The following ZNF532 variants were observed in gnomAD, a reference collection of about 807,000 sequenced individuals.
The protein encoded by ZNF532 is zinc finger protein 532.
A neutral mutation model predicts 89.3 loss-of-function variants in ZNF532; 22 were observed. That is an observed-to-expected ratio of 0.25 (90% CI 0.18 to 0.35). The LOEUF (loss-of-function observed/expected upper bound fraction) is 0.35. ZNF532 is among the 10% of genes least tolerant of loss of function. The probability of loss-of-function intolerance (pLI) is 1.00; values close to 1 mark genes in which losing one functional copy is unlikely to be tolerated. For missense variants in ZNF532, 1,132 were observed against 1,643.4 expected, an observed-to-expected ratio of 0.69 and a Z score of 5.38; for synonymous variants, 606 against 649.6, an observed-to-expected ratio of 0.93 and a Z score of 1.02.
chr18:58,881,455 T>C (rs1000952693), intron 2 of ZNF532, among the ~76,000 whole-genome samples: 1 of 152,184 alleles, frequency 6.6e-6, no homozygotes, highest in East Asian at 1.9e-4. Flanking sequence ...TAAAAGACCT[T>C]GCTGGGTTGT....
At chr18:58,895,890 G>A (rs933828663) in intron 2 of ZNF532, among the ~76,000 whole-genome samples, 3 of 147,902 alleles carry the variant, frequency 2.0e-5, no homozygotes, top group African/African-American at 5.0e-5. Flanking sequence ...TCACTCTGTC[G>A]ACGAGGCTGT....
At chr18:58,959,339 C>G (rs762010213) in intron 7 of ZNF532, among the ~76,000 whole-genome samples, 8 of 139,952 alleles carry the variant, frequency 5.7e-5, no homozygotes, top group Non-Finnish European at 9.0e-5. Flanking sequence ...GTAGGGTAAT[C>G]TTGGCTCACT....
intron 7 of ZNF532, among the ~76,000 whole-genome samples, chr18:58,965,774 A>G (rs571394204): frequency 1.3e-5 from 2 of 152,324 alleles, no homozygotes; most frequent in African/African-American, 4.8e-5. Flanking sequence ...TTCCTGCAGA[A>G]TTATGAAATG....
At chr18:58,945,515 A>T (rs2063570772) in intron 5 of ZNF532, among the ~76,000 whole-genome samples, 1 of 152,194 alleles carries the variant, frequency 6.6e-6, no homozygotes, top group Non-Finnish European at 1.5e-5. Context: ...ATAGCTACGT[A>T]AATAGATGGT....
chr18:58,918,293 C>A lies in ZNF532; in HGVS notation c.6C>A (p.Thr2=), dbSNP rs754233562. ...CAGAACATCTGCTCAAATTAATGAC[C>A]ATGGGGGATATGAAGACCCCAGACT... M[T]MGDMKTPDFD... The change falls in exon 3 of 10, where the codon ACC becomes ACA. Residue 2 remains threonine, a synonymous_variant. Coordinates refer to ENST00000591808, the MANE Select transcript of ZNF532 (RefSeq NM_001375912.1). The A allele has an allele frequency of 6.2e-7, 1 of 1,613,022 alleles. No individual in the cohort carries two copies. Among genetic ancestry groups the A allele is most frequent in the Admixed American group, 1.7e-5 (1 of 59,980 alleles).
intron 7 of ZNF532, among the ~76,000 whole-genome samples, chr18:58,978,109 C>T (rs768484032): frequency 1.2e-4 from 18 of 152,172 alleles, no homozygotes; most frequent in Non-Finnish European, 2.4e-4. Context: ...ATTCAGTTAA[C>T]ATAATATCTC....
At chr18:58,890,111 G>A (rs2058777808) in intron 2 of ZNF532, among the ~76,000 whole-genome samples, 1 of 151,552 alleles carries the variant, frequency 6.6e-6, no homozygotes. Flanking sequence ...GCTGGGCATG[G>A]TGGCACACAC....
chr18:58,907,707 C>T (rs1271782045), intron 2 of ZNF532, among the ~76,000 whole-genome samples: 1 of 152,144 alleles, frequency 6.6e-6, no homozygotes, highest in African/African-American at 2.4e-5. Context: ...CTTCCGTCTG[C>T]CTCCCAGGTC....
Position 58,985,489 on chromosome 18 carries a change from C to T in ZNF532, c.*1023C>T, listed in dbSNP as rs1168670337. 1 of 152,572 alleles carries T rather than the reference C, an allele frequency of 6.6e-6. No homozygotes were observed. The highest frequency in any genetic ancestry group is 2.4e-5 in the African/African-American group (1 of 41,430). The allele number at this position is 152,572 out of a possible 1,614,324, so 9.5% of individuals were successfully genotyped here. On this transcript the variant is annotated 3_prime_UTR_variant, in exon 10 of 10. Transcript: ENST00000591808. ...GGTGCTACTGCCAAACGTTATGGTA[C>T]TTAGAGTCGGGATGCACAACTTCAA...
intron 2 of ZNF532, among the ~76,000 whole-genome samples, chr18:58,875,133 T>C (rs1363162368): frequency 1.3e-5 from 2 of 151,202 alleles, no homozygotes; most frequent in Non-Finnish European, 2.9e-5. Flanking sequence ...ACATTTTGGC[T>C]ATTTCACCTT....
At chr18:58,925,950 G>A (rs1315840381) in intron 3 of ZNF532, among the ~76,000 whole-genome samples, 1 of 152,192 alleles carries the variant, frequency 6.6e-6, no homozygotes. Context: ...TGATCTGTGT[G>A]TCTGTCCCTC....
chr18:58,954,280 C>G, intron 7 of ZNF532: 1 of 987,278 alleles, frequency 1.0e-6, no homozygotes, highest in Non-Finnish European at 1.2e-6. Flanking sequence ...AGCTCTGTAA[C>G]TCCAAGTCAC....
intron 6 of ZNF532, 160 bp from the exon 7 acceptor site, chr18:58,953,358 A>AAATGT (rs1458590111): frequency 7.8e-6 from 5 of 642,212 alleles, no homozygotes; most frequent in Non-Finnish European, 1.3e-5. Flanking sequence ...ATCTCTTTTG[A>AAATGT]AATGTATATT....
chr18:58,979,269 C>T, intron 8 of ZNF532, 102 bp downstream of exon 8: 1 of 717,006 alleles, frequency 1.4e-6, no homozygotes, highest in East Asian at 2.6e-5. Flanking sequence ...TCCACAGTTC[C>T]TACATTACAT....
intron 3 of ZNF532, among the ~76,000 whole-genome samples, chr18:58,927,649 GTACT>G (rs1247500591): frequency 6.6e-6 from 1 of 151,950 alleles, no homozygotes; most frequent in Non-Finnish European, 1.5e-5. Context: ...GTTTTGACTT[GTACT>G]TAATGGGAAG....
chr18:58,908,019 T>C (rs756469135), intron 2 of ZNF532, among the ~76,000 whole-genome samples: 1 of 152,222 alleles, frequency 6.6e-6, no homozygotes, highest in African/African-American at 2.4e-5. Context: ...GATTCTTAAA[T>C]GAAAAGGGTA....
chr18:58,921,925 G>A (rs1031733336), intron 3 of ZNF532, among the ~76,000 whole-genome samples: 2 of 152,106 alleles, frequency 1.3e-5, no homozygotes, highest in African/African-American at 4.8e-5. Context: ...GGGCAACATG[G>A]TGAAACCTCA....
intron 9 of ZNF532, among the ~76,000 whole-genome samples, chr18:58,983,258 CCCTGG>C (rs2068038513): frequency 6.6e-6 from 1 of 152,042 alleles, no homozygotes; most frequent in Admixed American, 6.6e-5. Context: ...GGATTTAGAG[CCCTGG>C]AAGCAGACGC....
At chr18:58,912,371 A>C (rs537745354) in intron 2 of ZNF532, among the ~76,000 whole-genome samples, 1 of 152,378 alleles carries the variant, frequency 6.6e-6, no homozygotes, top group East Asian at 1.9e-4. Context: ...TTGTTAACTC[A>C]TACAGAATTA....
Sources: allele counts gnomAD v4.1 joint callset (sites outside exome capture counted in the v4.1 genomes callset), GRCh38; gene constraint gnomAD v4.1.1; transcripts MANE v1.5; gene names NCBI Gene and HGNC (gene_info 2026-07-23, HGNC 2026-07-21).